Variants in MTMR2 observed in about 807,000 individuals in gnomAD.
The protein encoded by MTMR2 is myotubularin related protein 2, also known as phosphatidylinositol-3,5-bisphosphate 3-phosphatase MTMR2.
In MTMR2, 55 loss-of-function variants were observed where a neutral mutation model predicts 86.9. That is an observed-to-expected ratio of 0.63 (90% confidence interval 0.51 to 0.79). The LOEUF (loss-of-function observed/expected upper bound fraction) is 0.79. MTMR2 is among the 30% of genes least tolerant of loss of function. MTMR2 has a pLI of 0.00. For synonymous variants in MTMR2, 241 were observed against 266.8 expected (o/e 0.90, Z 0.94); for missense variants, 659 against 772.3 (o/e 0.85, Z 1.74).
In MTMR2 at chr11:95,835,020, GT is replaced by G. The variant is rs1565341303; in HGVS notation, c.*269del. On this transcript the variant is annotated 3_prime_UTR_variant, in exon 15 of 15. Coordinates refer to ENST00000346299, the MANE Select transcript of MTMR2 (RefSeq NM_016156.6). The stretch of plus-strand genomic sequence containing the variant: ...AGCATTTGCCTTTTAATAGAAACTT[GT>G]TCCCACTGTGAATCCAGGATTGAAG... The G allele has an allele frequency of 7.1e-6, 3 of 425,520 alleles. No homozygotes were observed. Among genetic ancestry groups the G allele is most frequent in the Non-Finnish European group, 1.3e-5 (3 of 230,748 alleles). The allele number at this position is 425,520 out of a possible 1,614,324, so 26.4% of individuals were successfully genotyped here.
chr11:95,911,500 G>A (rs572153741), intron 1 of MTMR2, among the ~76,000 whole-genome samples: 124 of 152,258 alleles, frequency 8.1e-4, no homozygotes, highest in African/African-American at 2.8e-3. Context: ...CTGGAGGGCA[G>A]GAAGGACCTT....
At chr11:95,898,740 T>C (rs1047412947) in intron 1 of MTMR2, among the ~76,000 whole-genome samples, 1 of 152,172 alleles carries the variant, frequency 6.6e-6, no homozygotes, top group African/African-American at 2.4e-5. Flanking sequence ...CTAACAATGC[T>C]GTATATGAAA....
At chr11:95,852,750 C>G (rs375292080) in intron 7 of MTMR2, among the ~76,000 whole-genome samples, 1 of 152,132 alleles carries the variant, frequency 6.6e-6, no homozygotes, top group Non-Finnish European at 1.5e-5. Flanking sequence ...AAAATATTCA[C>G]GTGCTGGCCG....
intron 1 of MTMR2, among the ~76,000 whole-genome samples, chr11:95,903,041 A>C (rs1267360207): frequency 6.6e-6 from 1 of 152,174 alleles, no homozygotes; most frequent in Non-Finnish European, 1.5e-5. Flanking sequence ...CAATTTACAT[A>C]AATGAGCATT....
At chr11:95,852,352 T>C (rs1452870458) in intron 7 of MTMR2, among the ~76,000 whole-genome samples, 1 of 152,238 alleles carries the variant, frequency 6.6e-6, no homozygotes, top group Non-Finnish European at 1.5e-5. Context: ...AAAAATTTAC[T>C]ATCGTATTCA....
chr11:95,882,257 G>C (rs1015697795), intron 2 of MTMR2: 1 of 151,804 alleles, frequency 6.6e-6, no homozygotes, highest in Admixed American at 6.6e-5. Flanking sequence ...CAACACTCTC[G>C]GGGGGGCCGA....
Position 95,924,053 on chromosome 11 carries a change from A to T in MTMR2, c.-99T>A. On this transcript the variant is annotated 5_prime_UTR_variant, in exon 1 of 15. It removes the in-frame stop codon of an upstream open reading frame in the 5' UTR. Coordinates refer to ENST00000346299, the MANE Select transcript of MTMR2 (RefSeq NM_016156.6). ...AGTGCTACGGACCGGGGCCGCAGTC[A>T]GGCCAGCGCCGGCCCGGGAGGGAGA... is the stretch of plus-strand genomic sequence containing the variant. 6.8e-7 allele frequency: 1 copy of T among 1,468,822 alleles called. No individual in the cohort carries two copies. The highest frequency in any genetic ancestry group is 9.3e-7 in the Non-Finnish European group (1 of 1,074,748). 91.0% of individuals were successfully genotyped at this position (1,468,822 alleles called of 1,614,324 possible).
intron 2 of MTMR2, among the ~76,000 whole-genome samples, chr11:95,883,571 C>T (rs367577971): frequency 6.6e-6 from 1 of 152,146 alleles, no homozygotes; most frequent in Admixed American, 6.5e-5. Context: ...AGCCTGGATT[C>T]GTGCCCAATT....
chr11:95,870,090 A>T (rs1031642463), intron 2 of MTMR2, among the ~76,000 whole-genome samples: 1 of 152,226 alleles, frequency 6.6e-6, no homozygotes, highest in African/African-American at 2.4e-5. Context: ...GCATGCTGAC[A>T]TATTTAGTTG....
chr11:95,912,234 T>G (rs1357327986), intron 1 of MTMR2, among the ~76,000 whole-genome samples: 1 of 151,958 alleles, frequency 6.6e-6, no homozygotes, highest in East Asian at 1.9e-4. Context: ...CAAGGATATC[T>G]CTCCCTAATT....
rs1863193115 is a variant in MTMR2, at chr11:95,834,971, T to C, written c.*319A>G. On this transcript the variant is annotated 3_prime_UTR_variant, in exon 15 of 15. Coordinates refer to ENST00000346299, the MANE Select transcript of MTMR2 (RefSeq NM_016156.6). ...TGTATTTCTAAAATGGTTTTAATAT[T>C]ACCAGATGCCAAAAATTTGTAACAG... 2.8e-6 allele frequency: 1 copy of C among 359,552 alleles called. No homozygotes were observed. Among genetic ancestry groups the C allele is most frequent in the African/African-American group, 2.1e-5 (1 of 47,818 alleles). The allele number at this position is 359,552 out of a possible 1,614,324, so 22.3% of individuals were successfully genotyped here. A position where few individuals can be genotyped will look rare whatever the true frequency, so the allele number is the denominator to read the frequency against.
chr11:95,845,214 T>G (rs751941205), intron 10 of MTMR2, 55 bp from the exon 11 acceptor site: 181 of 1,443,654 alleles, frequency 1.3e-4, no homozygotes, highest in Non-Finnish European at 1.6e-4. Context: ...TACTTCCTTC[T>G]TCAAAATTTA....
At chr11:95,870,932 T>G (rs1864854382) in intron 2 of MTMR2, among the ~76,000 whole-genome samples, 2 of 150,796 alleles carry the variant, frequency 1.3e-5, no homozygotes, top group Non-Finnish European at 1.5e-5. Flanking sequence ...CTCCCCTTCC[T>G]GTGTCCATGT....
At chr11:95,874,842 C>T (rs1447740003) in intron 2 of MTMR2, among the ~76,000 whole-genome samples, 1 of 152,088 alleles carries the variant, frequency 6.6e-6, no homozygotes, top group Non-Finnish European at 1.5e-5. Flanking sequence ...TTTTATTTCT[C>T]CTTCACTTAT....
At chr11:95,873,875 G>A (rs1311951810) in intron 2 of MTMR2, among the ~76,000 whole-genome samples, 1 of 152,064 alleles carries the variant, frequency 6.6e-6, no homozygotes, top group Non-Finnish European at 1.5e-5. Context: ...TCAGGAGCAG[G>A]TTGTTCAGTT....
Position 95,849,680 on chromosome 11 carries a change from G to A in MTMR2, c.987C>T (p.Ala329=). 6.2e-7 allele frequency: 1 copy of A among 1,613,552 alleles called. No individual in the cohort carries two copies. The highest frequency in any genetic ancestry group is 8.5e-7 in the Non-Finnish European group (1 of 1,179,626). ...FDARPSVNAV[A]NKAKGGGYES... ...TACTAAGAGACCATCTGACCTTGTT[G>A]GCAACAGCATTAACACTTGGCCGGG... The change falls in exon 9 of 15, where the codon GCC becomes GCT. Residue 329 remains alanine (A), a synonymous_variant. Coordinates refer to ENST00000346299, the MANE Select transcript of MTMR2 (RefSeq NM_016156.6).
rs1241540080 is a variant in MTMR2, at chr11:95,849,846, T to A, written c.821A>T (p.His274Leu). Residue 274 changes from histidine (H) to leucine (L), a missense_variant, in exon 9 of 15, where the codon CAT (histidine) becomes CTT (leucine). Around this residue, in one of 3 missense-constraint regions of MTMR2, gnomAD observed 387 missense variants for 526.3 expected, o/e 0.74. Transcript: ENST00000346299. ...AGTGATTGTGGCTTGACTTTCAGGA[T>A]GAATCCATGATAAAACCTTAATGAG... Reference protein sequence around the residue: ...RGRIPVLSWIHPESQATITRC... With the variant: ...RGRIPVLSWILPESQATITRC... 3 of 1,614,090 alleles carry A rather than the reference T, an allele frequency of 1.9e-6. No homozygotes were observed. The highest frequency in any genetic ancestry group is 2.5e-6 in the Non-Finnish European group (3 of 1,179,944).
At chr11:95,841,080 T>C (rs1317517249) in intron 12 of MTMR2, among the ~76,000 whole-genome samples, 1 of 152,182 alleles carries the variant, frequency 6.6e-6, no homozygotes, top group Non-Finnish European at 1.5e-5. Context: ...TATATTAATA[T>C]TTCAAATAAA....
At chr11:95,900,452 A>G (rs1049543482) in intron 1 of MTMR2, among the ~76,000 whole-genome samples, 1 of 152,206 alleles carries the variant, frequency 6.6e-6, no homozygotes, top group Non-Finnish European at 1.5e-5. Context: ...GGACTGATTA[A>G]TAAAATGATA....
Sources: gnomAD v4.1 joint callset for allele counts (sites outside exome capture counted in the v4.1 genomes callset) on GRCh38, gnomAD v4.1.1 for gene constraint, gnomAD v4.1.1 regional missense constraint, MANE v1.5 for transcripts, NCBI Gene and HGNC (gene_info 2026-07-23, HGNC 2026-07-21) for gene names.